The following FAM171A1 variants were observed in gnomAD, a reference collection of about 807,000 sequenced individuals.
The protein encoded by FAM171A1 is family with sequence similarity 171 member A1, also known as protein FAM171A1.
Under a neutral mutation model 74.9 loss-of-function variants are expected in FAM171A1, and 23 were observed. The observed-to-expected ratio is 0.31, with a 90% CI of 0.22 to 0.44. The LOEUF (loss-of-function observed/expected upper bound fraction) is 0.44, where lower values mean the gene tolerates loss of function less well. Among genes scored for constraint, FAM171A1 ranks in the 20% least tolerant of loss-of-function variants. The pLI is 1.00. For synonymous variants in FAM171A1, 527 were observed against 505.7 expected (o/e 1.04, Z -0.57); for missense variants, 1,162 against 1,159.2 (o/e 1.00, Z -0.03).
intron 1 of FAM171A1, among the ~76,000 whole-genome samples, chr10:15,319,415 A>G (rs564207246): frequency 4.0e-4 from 61 of 152,110 alleles, no homozygotes; most frequent in African/African-American, 1.5e-3. Flanking sequence ...AAAAGAAAGA[A>G]CAATAGTCCA....
intron 1 of FAM171A1, among the ~76,000 whole-genome samples, chr10:15,310,538 G>A (rs1035687723): frequency 2.6e-5 from 4 of 152,168 alleles, no homozygotes; most frequent in South Asian, 2.1e-4. Flanking sequence ...CAACTGACCC[G>A]TCTTTAAAAC....
chr10:15,267,846 C>T (rs1218685591), intron 3 of FAM171A1, among the ~76,000 whole-genome samples: 4 of 143,522 alleles, frequency 2.8e-5, no homozygotes, highest in Admixed American at 1.4e-4. Flanking sequence ...TGTGGTGTCA[C>T]TGCAGACCCT....
chr10:15,320,368 C>A (rs1386219923), intron 1 of FAM171A1, among the ~76,000 whole-genome samples: 1 of 152,198 alleles, frequency 6.6e-6, no homozygotes, highest in Non-Finnish European at 1.5e-5. Flanking sequence ...TCCAGTCCAC[C>A]ATTTGATGGG....
At chr10:15,372,307 G>T (rs765618504), upstream of FAM171A1, among the ~76,000 whole-genome samples, 10 of 152,136 alleles carry the variant, frequency 6.6e-5, no homozygotes, top group Non-Finnish European at 1.2e-4. Context: ...AGAGGGTTAA[G>T]GAATTTGTCC....
intron 5 of FAM171A1, among the ~76,000 whole-genome samples, chr10:15,239,666 A>AAC (rs1834339414): frequency 1.3e-5 from 2 of 152,212 alleles, no homozygotes; most frequent in African/African-American, 4.8e-5. Context: ...GAGAGGGCAC[A>AAC]ATTGGATCAT....
intron 3 of FAM171A1, among the ~76,000 whole-genome samples, chr10:15,256,975 G>A (rs1834588511): frequency 6.6e-6 from 1 of 152,146 alleles, no homozygotes; most frequent in Non-Finnish European, 1.5e-5. Context: ...TTTTTTCAAT[G>A]ATCAGGAAAT....
At chr10:15,276,605 G>C (rs769414769) in intron 2 of FAM171A1, among the ~76,000 whole-genome samples, 1 of 152,166 alleles carries the variant, frequency 6.6e-6, no homozygotes, top group South Asian at 2.1e-4. Context: ...TTAAAAATAC[G>C]TGTCTAGGTT....
intron 5 of FAM171A1, among the ~76,000 whole-genome samples, chr10:15,228,253 G>T (rs535582114): frequency 6.6e-6 from 1 of 151,978 alleles, no homozygotes; most frequent in African/African-American, 2.4e-5. Context: ...GAAAAGATCG[G>T]ACCTGAATCT....
At chr10:15,285,837 G>C (rs1182636294) in intron 1 of FAM171A1, among the ~76,000 whole-genome samples, 1 of 152,212 alleles carries the variant, frequency 6.6e-6, no homozygotes, top group Non-Finnish European at 1.5e-5. Flanking sequence ...TGAGCCGGCT[G>C]CAGGCTGGCT....
At position 15,233,903 on chromosome 10, in the gene FAM171A1, C is replaced by CAAAAAA. The variant is rs915508767; in HGVS notation, c.755-12849_755-12844dup. Reference sequence around the variant, plus strand: ...GTGACAGAGCAAGACTCCGTCTCACCAAAAAAAAAAAAGAACCACGACATC... The same window carrying CAAAAAA: ...GTGACAGAGCAAGACTCCGTCTCACCAAAAAAAAAAAAAAAAAAGAACCACGACATC... On this transcript the variant is annotated intron_variant, in intron 5 of 7. Coordinates refer to ENST00000378116, the MANE Select transcript of FAM171A1 (RefSeq NM_001010924.2). Among the ~76,000 whole-genome samples, 4 of 129,178 alleles carry CAAAAAA rather than the reference C, an allele frequency of 3.1e-5. No homozygotes were observed. In the East Asian group the frequency reaches 9.3e-4, roughly 30 times the overall value. The allele number at this position is 129,178 out of a possible 152,430, so 84.7% of individuals were successfully genotyped here. A position where few individuals can be genotyped will look rare whatever the true frequency, so the allele number is the denominator to read the frequency against.
intron 6 of FAM171A1, among the ~76,000 whole-genome samples, chr10:15,216,644 G>C (rs1170731256): frequency 6.6e-6 from 1 of 151,978 alleles, no homozygotes; most frequent in Admixed American, 6.6e-5. Context: ...ATGTTGCCTA[G>C]GTGGGTCTTG....
chr10:15,232,698 T>C (rs1342916305), intron 5 of FAM171A1, among the ~76,000 whole-genome samples: 2 of 152,192 alleles, frequency 1.3e-5, no homozygotes, highest in East Asian at 1.9e-4. Flanking sequence ...CATTCCCAGA[T>C]CAGCCCATCA....
At chr10:15,333,336 C>A (rs185637813) in intron 1 of FAM171A1, among the ~76,000 whole-genome samples, 1 of 152,030 alleles carries the variant, frequency 6.6e-6, no homozygotes, top group South Asian at 2.1e-4. Flanking sequence ...CCCATCTCTA[C>A]TAAAAATGCA....
intron 2 of FAM171A1, among the ~76,000 whole-genome samples, chr10:15,283,256 C>A (rs1221881219): frequency 2.0e-5 from 3 of 152,158 alleles, no homozygotes; most frequent in African/African-American, 7.2e-5. Context: ...CTGCTGGGAC[C>A]AACTGCTCTG....
intron 4 of FAM171A1, among the ~76,000 whole-genome samples, chr10:15,249,650 T>C (rs1412619581): frequency 6.6e-6 from 1 of 152,208 alleles, no homozygotes; most frequent in Non-Finnish European, 1.5e-5. Flanking sequence ...TAACTTCTGC[T>C]AAAAAGTATG....
At chr10:15,325,470 C>T (rs1019314493) in intron 1 of FAM171A1, among the ~76,000 whole-genome samples, 14 of 152,086 alleles carry the variant, frequency 9.2e-5, no homozygotes, top group Admixed American at 8.5e-4. Context: ...ATGGAGCCAC[C>T]GTACTCCAGC....
At chr10:15,365,162 G>A (rs1588573743) in intron 1 of FAM171A1, among the ~76,000 whole-genome samples, 1 of 152,040 alleles carries the variant, frequency 6.6e-6, no homozygotes, top group Admixed American at 6.6e-5. Flanking sequence ...AAGACTCTTC[G>A]GGCACTAACA....
At chr10:15,313,421 G>A (rs1273366548) in intron 1 of FAM171A1, among the ~76,000 whole-genome samples, 1 of 152,066 alleles carries the variant, frequency 6.6e-6, no homozygotes, top group South Asian at 2.1e-4. Context: ...CTCTGTCCTC[G>A]TGGTCTTAAC....
At chr10:15,248,969 G>A (rs1834472674) in intron 4 of FAM171A1, among the ~76,000 whole-genome samples, 154 bp from the exon 5 acceptor site, 1 of 152,128 alleles carries the variant, frequency 6.6e-6, no homozygotes, top group South Asian at 2.1e-4. Context: ...CCACAACCCA[G>A]TAAGGCAGGT....
Sources: gnomAD v4.1 joint callset for allele counts (sites outside exome capture counted in the v4.1 genomes callset) on GRCh38, gnomAD v4.1.1 for gene constraint, MANE v1.5 for transcripts, NCBI Gene and HGNC (gene_info 2026-07-23, HGNC 2026-07-21) for gene names.